The following GPC6 variants were observed in gnomAD, a reference collection of about 807,000 sequenced individuals.
GPC6 encodes glypican-6.
A neutral mutation model predicts 55.2 loss-of-function variants in GPC6; 14 were observed. The observed-to-expected ratio is 0.25, with a 90% CI of 0.17 to 0.40. GPC6 has a LOEUF of 0.40. GPC6 is among the 10% of genes least tolerant of loss of function. The probability of loss-of-function intolerance (pLI) is 1.00; values close to 1 mark genes in which losing one functional copy is unlikely to be tolerated. For missense variants in GPC6, 641 were observed against 708.5 expected (o/e 0.90, Z 1.08); for synonymous variants, 278 against 259.6 (o/e 1.07, Z -0.68).
chr13:93,821,426 C>T (rs938802953), intron 2 of GPC6, among the ~76,000 whole-genome samples: 1 of 152,112 alleles, frequency 6.6e-6, no homozygotes, highest in African/African-American at 2.4e-5. Context: ...AGCAGATTGT[C>T]TGCTGGGGAC....
At chr13:94,087,734 G>A (rs1885338066) in intron 4 of GPC6, among the ~76,000 whole-genome samples, 1 of 152,192 alleles carries the variant, frequency 6.6e-6, no homozygotes, top group African/African-American at 2.4e-5. Context: ...GGGGAAAAGT[G>A]AATGAATGAG....
chr13:93,646,004 G>T (rs1199792946), intron 2 of GPC6, among the ~76,000 whole-genome samples: 1 of 152,068 alleles, frequency 6.6e-6, no homozygotes, highest in African/African-American at 2.4e-5. Flanking sequence ...CTGTTAGAAT[G>T]GTAGGCCCTT....
chr13:94,101,137 C>G (rs895688165), intron 4 of GPC6, among the ~76,000 whole-genome samples: 12 of 152,240 alleles, frequency 7.9e-5, no homozygotes, highest in Admixed American at 7.2e-4. Context: ...AGTGCAGCAG[C>G]TTTCCCTAGG....
intron 3 of GPC6, among the ~76,000 whole-genome samples, chr13:93,869,865 C>T (rs550854997): frequency 6.6e-6 from 1 of 150,710 alleles, no homozygotes; most frequent in Non-Finnish European, 1.5e-5. Context: ...GAAATGAACA[C>T]ATTTTTCCTG....
chr13:93,970,254 A>G (rs1004248205), intron 3 of GPC6, among the ~76,000 whole-genome samples: 1 of 152,168 alleles, frequency 6.6e-6, no homozygotes, highest in Non-Finnish European at 1.5e-5. Context: ...CTGTCACGAA[A>G]AAAATTTGGG....
chr13:93,725,027 C>G (rs1445482420), intron 2 of GPC6, among the ~76,000 whole-genome samples: 4 of 151,972 alleles, frequency 2.6e-5, no homozygotes, highest in African/African-American at 9.7e-5. Context: ...AAGATTTGAT[C>G]AATAATGATG....
chr13:93,518,377 C>G (rs1881285918), intron 1 of GPC6, among the ~76,000 whole-genome samples: 1 of 151,892 alleles, frequency 6.6e-6, no homozygotes, highest in Non-Finnish European at 1.5e-5. Context: ...GTCAACTCTT[C>G]TTGCTTCTCC....
intron 2 of GPC6, among the ~76,000 whole-genome samples, chr13:93,567,017 A>G (rs899931448): frequency 2.0e-5 from 3 of 152,132 alleles, no homozygotes; most frequent in Admixed American, 1.3e-4. Flanking sequence ...CAGTGCTGTA[A>G]TAACCATACG....
At chr13:93,553,536 A>G (rs1214441997) in intron 2 of GPC6, among the ~76,000 whole-genome samples, 1 of 151,740 alleles carries the variant, frequency 6.6e-6, no homozygotes, top group Non-Finnish European at 1.5e-5. Flanking sequence ...ACTAAAAAAA[A>G]TACAAAAAAT....
intron 3 of GPC6, among the ~76,000 whole-genome samples, chr13:93,961,089 C>T (rs1482046144): frequency 6.6e-6 from 1 of 152,130 alleles, no homozygotes; most frequent in East Asian, 1.9e-4. Context: ...GCTGGGATTA[C>T]AGGCGTGAGC....
chr13:93,948,278 G>T (rs1326068728), intron 3 of GPC6, among the ~76,000 whole-genome samples: 1 of 152,162 alleles, frequency 6.6e-6, no homozygotes, highest in Non-Finnish European at 1.5e-5. Context: ...ACATATTCAT[G>T]TAGTATAAAT....
intron 3 of GPC6, among the ~76,000 whole-genome samples, chr13:94,013,217 T>C (rs565142200): frequency 3.9e-4 from 37 of 94,718 alleles, no homozygotes; most frequent in African/African-American, 1.2e-3. Context: ...CATGTGTGTA[T>C]GTATATATAT....
chr13:93,621,514 A>G (rs1480768943), intron 2 of GPC6, among the ~76,000 whole-genome samples: 2 of 152,174 alleles, frequency 1.3e-5, no homozygotes, highest in African/African-American at 2.4e-5. Flanking sequence ...CATACCCCAA[A>G]CTTACCAAAT....
intron 4 of GPC6, among the ~76,000 whole-genome samples, chr13:94,271,543 G>T (rs561398651): frequency 7.2e-5 from 11 of 152,074 alleles, no homozygotes; most frequent in African/African-American, 2.7e-4. Context: ...CTTGAGCCTT[G>T]GGCAAGTTAT....
At chr13:93,241,708 TC>T in intron 1 of GPC6, among the ~76,000 whole-genome samples, 1 of 152,298 alleles carries the variant, frequency 6.6e-6, no homozygotes, top group Admixed American at 6.5e-5. Context: ...GTTAATGTGA[TC>T]TTTTGAGGGC....
At chr13:93,702,016 A>C (rs1258032023) in intron 2 of GPC6, among the ~76,000 whole-genome samples, 1 of 152,062 alleles carries the variant, frequency 6.6e-6, no homozygotes, top group African/African-American at 2.4e-5. Context: ...AATGTTTGTC[A>C]TGGCATCCAG....
chr13:93,881,951 G>A (rs1201447800), intron 3 of GPC6, among the ~76,000 whole-genome samples: 1 of 151,948 alleles, frequency 6.6e-6, no homozygotes, highest in African/African-American at 2.4e-5. Context: ...AAAATTAACC[G>A]AGGAGAGTAT....
At chr13:93,370,136 C>T (rs1392347790) in intron 1 of GPC6, among the ~76,000 whole-genome samples, 1 of 152,062 alleles carries the variant, frequency 6.6e-6, no homozygotes, top group Non-Finnish European at 1.5e-5. Context: ...TTATTCCAGA[C>T]AGTTGTCATC....
At chr13:93,706,692 G>A (rs1032073759) in intron 2 of GPC6, among the ~76,000 whole-genome samples, 22 of 151,852 alleles carry the variant, frequency 1.4e-4, no homozygotes, top group Admixed American at 1.1e-3. Context: ...GAACCCAGGA[G>A]TTGGGGTCCA....
Sources: allele counts gnomAD v4.1 joint callset (sites outside exome capture counted in the v4.1 genomes callset), GRCh38; gene constraint gnomAD v4.1.1; transcripts MANE v1.5; gene names NCBI Gene and HGNC (gene_info 2026-07-23, HGNC 2026-07-21).